GLYATL3: variants seen among roughly 807,000 people sequenced by gnomAD.
GLYATL3 encodes the protein glycine N-acyltransferase-like protein 3.
In GLYATL3, 31 loss-of-function variants were observed where a neutral mutation model predicts 28.5. The observed-to-expected ratio is 1.09, with a 90% CI of 0.82 to 1.47. GLYATL3 has a LOEUF of 1.47. Among genes scored for constraint, GLYATL3 ranks in the 40% most tolerant of loss-of-function variants. GLYATL3 has a pLI of 0.00. For missense variants in GLYATL3, 369 were observed against 351.5 expected (o/e 1.05, Z -0.40); for synonymous variants, 141 against 140.2 (o/e 1.01, Z -0.04).
chr6:49,520,969 T>C (rs1769301724), intron 4 of GLYATL3, among the ~76,000 whole-genome samples: 2 of 152,222 alleles, frequency 1.3e-5, no homozygotes, highest in Admixed American at 1.3e-4. Flanking sequence ...TAAGCTATGA[T>C]CATTCCACTG....
intron 1 of GLYATL3, among the ~76,000 whole-genome samples, chr6:49,504,182 A>G (rs1258497154): frequency 6.6e-6 from 1 of 150,484 alleles, no homozygotes; most frequent in Non-Finnish European, 1.5e-5. Context: ...GGCTGACTGG[A>G]TTGTCTGTTG....
chr6:49,522,462 C>T lies in GLYATL3; in HGVS notation c.440+691C>T, dbSNP rs1262574741. Among the ~76,000 whole-genome samples the T allele has an allele frequency of 3.3e-5, 5 of 152,108 alleles. No homozygotes were observed. In the South Asian group the frequency reaches 6.2e-4, roughly 19 times the overall value. On this transcript the variant is annotated intron_variant, in intron 5 of 5. Transcript: ENST00000371197. ...TCTGAGTCTCAATTTCTTCTGAATTCGTTCCTTTAAGTGTTTTTTAAATTA... is the reference window on the plus strand; with the variant it reads ...TCTGAGTCTCAATTTCTTCTGAATTTGTTCCTTTAAGTGTTTTTTAAATTA...
Position 49,520,672 on chromosome 6 carries a change from G to T in GLYATL3, c.314-973G>T, listed in dbSNP as rs1769297793. Among the ~76,000 whole-genome samples the T allele has an allele frequency of 2.0e-5, 3 of 152,098 alleles. No individual in the cohort carries two copies. In the South Asian group the frequency reaches 6.2e-4, roughly 32 times the overall value. ...AGGCTGGAAAGGATGGAGTAGATGG[G>T]GATTTGGAAAGGTGGAGAAAGGAAT... On this transcript the variant is annotated intron_variant, in intron 4 of 5. Coordinates refer to ENST00000371197, the MANE Select transcript of GLYATL3 (RefSeq NM_001010904.2).
chr6:49,526,360 C>T (rs545210079), intron 5 of GLYATL3, 128 bp from the exon 6 acceptor site: 100 of 730,842 alleles, frequency 1.4e-4, no homozygotes, highest in Middle Eastern at 7.5e-4. Context: ...TTGCAGTGAG[C>T]AGAGATCACG....
chr6:49,510,088 G>T (rs1461782701), intron 1 of GLYATL3, among the ~76,000 whole-genome samples: 1 of 150,922 alleles, frequency 6.6e-6, no homozygotes, highest in African/African-American at 2.4e-5. Context: ...AGGCTGGAGT[G>T]CAATGGCATG....
chr6:49,521,430 A>C (rs1475634889), intron 4 of GLYATL3, among the ~76,000 whole-genome samples: 1 of 152,176 alleles, frequency 6.6e-6, no homozygotes, highest in Non-Finnish European at 1.5e-5. Flanking sequence ...AGTGGTCCCA[A>C]TGGGCAACAT....
intron 1 of GLYATL3, among the ~76,000 whole-genome samples, chr6:49,503,030 T>C (rs1768942332): frequency 6.6e-6 from 1 of 152,188 alleles, no homozygotes; most frequent in Non-Finnish European, 1.5e-5. Flanking sequence ...ACATATATGG[T>C]GGTTTAACAC....
intron 2 of GLYATL3, among the ~76,000 whole-genome samples, 163 bp downstream of exon 2, chr6:49,512,231 T>C (rs946832275): frequency 1.3e-5 from 2 of 151,484 alleles, no homozygotes; most frequent in Admixed American, 6.6e-5. Context: ...ACAGATTGAA[T>C]AGACTGTGGA....
chr6:49,501,687 T>C lies in GLYATL3; in HGVS notation c.-29+1645T>C, dbSNP rs530376088. Reference sequence around the variant, plus strand: ...CAGTAACAGTTGCAGCAAAAGCTGGTTACAAACAATCCATAGAAACAGGAT... The same window carrying C: ...CAGTAACAGTTGCAGCAAAAGCTGGCTACAAACAATCCATAGAAACAGGAT... On this transcript the variant is annotated intron_variant, in intron 1 of 5. Coordinates refer to ENST00000371197, the MANE Select transcript of GLYATL3 (RefSeq NM_001010904.2). Among the ~76,000 whole-genome samples the C allele has an allele frequency of 9.8e-5, 15 of 152,306 alleles. No homozygotes were observed. In the South Asian group the frequency reaches 3.1e-3, roughly 32 times the overall value.
intron 3 of GLYATL3, among the ~76,000 whole-genome samples, chr6:49,517,204 C>T (rs1045847605): frequency 6.6e-6 from 1 of 151,292 alleles, no homozygotes; most frequent in Non-Finnish European, 1.5e-5. Context: ...AAACTCTTTC[C>T]TAATCCCAGA....
chr6:49,501,465 G>C (rs1295362665), intron 1 of GLYATL3, among the ~76,000 whole-genome samples: 2 of 152,158 alleles, frequency 1.3e-5, no homozygotes, highest in African/African-American at 2.4e-5. Context: ...GTTAGTGAGG[G>C]ATTTAGGGTC....
chr6:49,518,093 C>T (rs1769249122), intron 4 of GLYATL3, among the ~76,000 whole-genome samples: 1 of 152,108 alleles, frequency 6.6e-6, no homozygotes, highest in African/African-American at 2.4e-5. Flanking sequence ...GTGATCATAC[C>T]TCACTGCAGC....
intron 1 of GLYATL3, among the ~76,000 whole-genome samples, chr6:49,510,482 A>T (rs1486830769): frequency 6.6e-6 from 1 of 152,226 alleles, no homozygotes; most frequent in South Asian, 2.1e-4. Context: ...CTAGACATCA[A>T]ACCTAATTAA....
At chr6:49,506,375 C>T (rs768077467) in intron 1 of GLYATL3, among the ~76,000 whole-genome samples, 2 of 152,170 alleles carry the variant, frequency 1.3e-5, no homozygotes, top group South Asian at 2.1e-4. Flanking sequence ...ACAGTACCGA[C>T]AAACAACTGA....
At position 49,526,642 on chromosome 6, in the gene GLYATL3, A is replaced by T; in HGVS notation, c.595A>T (p.Asn199Tyr). Reference sequence around the variant, plus strand: ...TGTGTGTGTCCGGGATGAGAAGGGAAACCCGGTCTCCTGGTCCATCACAGA... The same window carrying T: ...TGTGTGTGTCCGGGATGAGAAGGGATACCCGGTCTCCTGGTCCATCACAGA... ...PSVCVRDEKG[N>Y]PVSWSITDQF... is the part of the protein sequence containing the mutation. The change falls in exon 6 of 6, where the codon AAC becomes TAC. Residue 199 changes from asparagine (N) to tyrosine (Y), a missense_variant. By Grantham distance (143) the Asn-to-Tyr change is moderately radical. Coordinates refer to ENST00000371197, the MANE Select transcript of GLYATL3 (RefSeq NM_001010904.2). The T allele has an allele frequency of 3.9e-6, 6 of 1,551,868 alleles. No individual in the cohort carries two copies. Among genetic ancestry groups the T allele is most frequent in the Non-Finnish European group, 5.2e-6 (6 of 1,147,016 alleles).
chr6:49,517,406 T>C (rs1235095227), intron 3 of GLYATL3, 24 bp from the exon 4 acceptor site: 4 of 1,498,096 alleles, frequency 2.7e-6, no homozygotes, highest in Non-Finnish European at 3.6e-6. Context: ...GTTTATGTTT[T>C]TGTGATTATG....
intron 1 of GLYATL3, among the ~76,000 whole-genome samples, chr6:49,501,992 C>T (rs1581863334): frequency 6.6e-6 from 1 of 152,192 alleles, no homozygotes; most frequent in South Asian, 2.1e-4. Flanking sequence ...AAGCACATCA[C>T]GTGCTATTGG....
At chr6:49,521,822 T>C in intron 5 of GLYATL3, 51 bp downstream of exon 5, 3 of 1,486,418 alleles carry the variant, frequency 2.0e-6, no homozygotes, top group Non-Finnish European at 2.7e-6. Flanking sequence ...GCTATAGAAG[T>C]ACACGTAGCA....
Position 49,526,357 on chromosome 6 carries a change from G to C in GLYATL3, c.441-131G>C, listed in dbSNP as rs576087340. Reference sequence around the variant, plus strand: ...GAACCCGGGAGGCAGAGGTTGCAGTGAGCAGAGATCACGCCACTGCACTCC... The same window carrying C: ...GAACCCGGGAGGCAGAGGTTGCAGTCAGCAGAGATCACGCCACTGCACTCC... On this transcript the variant is annotated intron_variant, in intron 5 of 5. Transcript: ENST00000371197. 2.1e-3 allele frequency: 1,498 copies of C among 714,084 alleles called. 21 individuals are homozygous for C. The highest frequency in any genetic ancestry group is 3.3e-4 in the Non-Finnish European group (140 of 425,998). 44.2% of individuals were successfully genotyped at this position (714,084 alleles called of 1,614,324 possible).
Sources: gnomAD v4.1 joint callset for allele counts (sites outside exome capture counted in the v4.1 genomes callset) on GRCh38, gnomAD v4.1.1 for gene constraint, MANE v1.5 for transcripts, NCBI Gene and HGNC (gene_info 2026-07-23, HGNC 2026-07-21) for gene names.